The following TFDP1 variants were observed in gnomAD, a reference collection of about 807,000 sequenced individuals.
The protein encoded by TFDP1 is transcription factor Dp-1.
TFDP1 carries 6 observed loss-of-function variants against 48.0 expected under a neutral mutation model. That is an observed-to-expected ratio of 0.13 (90% CI 0.07 to 0.25). TFDP1 has a LOEUF of 0.25. Ranked by LOEUF, TFDP1 falls within the 10% of genes least tolerant of loss-of-function variation. TFDP1 has a pLI of 1.00. For missense variants in TFDP1, 335 were observed against 543.0 expected, an observed-to-expected ratio of 0.62 and a Z score of 3.81; for synonymous variants, 201 against 211.6, an observed-to-expected ratio of 0.95 and a Z score of 0.44.
At chr13:113,594,677 G>A (rs2048244120) in intron 2 of TFDP1, among the ~76,000 whole-genome samples, 1 of 152,232 alleles carries the variant, frequency 6.6e-6, no homozygotes, top group Non-Finnish European at 1.5e-5. Context: ...GTTCCCAGTG[G>A]ACATGGAATC....
chr13:113,603,575 T>C (rs2048493226), intron 2 of TFDP1, among the ~76,000 whole-genome samples: 1 of 152,238 alleles, frequency 6.6e-6, no homozygotes, highest in South Asian at 2.1e-4. Context: ...CAGCTTTTTC[T>C]AGCAGCATGG....
intron 3 of TFDP1, among the ~76,000 whole-genome samples, chr13:113,621,630 G>T (rs986707977): frequency 6.6e-6 from 1 of 152,226 alleles, no homozygotes; most frequent in Non-Finnish European, 1.5e-5. Flanking sequence ...ACCAGAAGAC[G>T]AGTGCGAGCC....
At chr13:113,636,938 G>A (rs1039667763) in intron 10 of TFDP1, among the ~76,000 whole-genome samples, 2 of 152,172 alleles carry the variant, frequency 1.3e-5, no homozygotes, top group Non-Finnish European at 2.9e-5. Context: ...GGTGGCTCGT[G>A]TGGATTTCCT....
At chr13:113,594,804 A>T (rs1194026100) in intron 2 of TFDP1, among the ~76,000 whole-genome samples, 1 of 152,262 alleles carries the variant, frequency 6.6e-6, no homozygotes, top group Non-Finnish European at 1.5e-5. Context: ...AATATGACTT[A>T]CTAAAAAAAG....
At position 113,627,390 on chromosome 13, in the gene TFDP1, AG is replaced by A. The variant is rs1416408753; in HGVS notation, c.186+4105del. 5.3e-5 allele frequency among the ~76,000 whole-genome samples: 8 copies of A among 152,130 alleles called. No homozygotes were observed. The highest frequency in any genetic ancestry group is 1.9e-4 in the African/African-American group (8 of 41,428). Reference sequence around the variant, plus strand: ...CCTGTGTGAGCCCCTGGGGAGAAGCAGCCCCCCACCCAGGCCTGTGTCCCAG... The same window carrying A: ...CCTGTGTGAGCCCCTGGGGAGAAGCACCCCCCACCCAGGCCTGTGTCCCAG... On this transcript the variant is annotated intron_variant, in intron 4 of 11. Coordinates refer to ENST00000375370, the MANE Select transcript of TFDP1 (RefSeq NM_007111.5). The surrounding 1 kb of genome is among the most constrained non-coding windows in gnomAD (Gnocchi z 4.1).
chr13:113,637,512 T>G, intron 10 of TFDP1: 2 of 1,139,180 alleles, frequency 1.8e-6, no homozygotes, highest in Non-Finnish European at 1.2e-6. Context: ...GACACTTTGA[T>G]TCGGTTCCGT....
chr13:113,636,759 C>T lies in TFDP1; in HGVS notation c.1006+59C>T, dbSNP rs927895969. ...GTGAGGAATGGCCCCCAGCCTCCGA[C>T]GGTGCCCTCCCCTCCCGGCTCGGGA... is the stretch of plus-strand genomic sequence containing the variant. On this transcript the variant is annotated intron_variant, in intron 10 of 11. Transcript: ENST00000375370. 151 of 1,566,036 alleles carry T rather than the reference C, an allele frequency of 9.6e-5. No individual in the cohort carries two copies. In the East Asian group the frequency reaches 1.7e-3, roughly 18 times the overall value.
At chr13:113,586,269 G>A in intron 2 of TFDP1, 1 of 158,730 alleles carries the variant, frequency 6.3e-6, no homozygotes, top group East Asian at 1.8e-4. Context: ...GTAGCCACCT[G>A]CTGGCACCTG....
In TFDP1 at chr13:113,627,130, CTG is replaced by C. The variant is rs1269233102; in HGVS notation, c.186+3845_186+3846del. On this transcript the variant is annotated intron_variant, in intron 4 of 11. Transcript: ENST00000375370. This position sits in a 1 kb window ranked among gnomAD's most constrained non-coding sequence, Gnocchi z 4.1. Reference sequence around the variant, plus strand: ...TTATATACCAGAGGTTTACAAAAAACTGGACTGGCTCATTCTGACACGAGGGG... The same window carrying C: ...TTATATACCAGAGGTTTACAAAAAACGACTGGCTCATTCTGACACGAGGGG... Among the ~76,000 whole-genome samples the C allele has an allele frequency of 6.6e-6, 1 of 152,182 alleles. No homozygotes were observed. The highest frequency in any genetic ancestry group is 2.4e-5 in the African/African-American group (1 of 41,440).
intron 11 of TFDP1, among the ~76,000 whole-genome samples, 170 bp downstream of exon 11, chr13:113,638,066 CT>C (rs770350967): frequency 6.6e-6 from 1 of 152,144 alleles, no homozygotes; most frequent in Non-Finnish European, 1.5e-5. Flanking sequence ...TGGAGAGCTG[CT>C]TTTCTTAGTT....
intron 9 of TFDP1, among the ~76,000 whole-genome samples, 153 bp downstream of exon 9, chr13:113,636,281 C>T (rs369856148): frequency 7.4e-4 from 113 of 152,344 alleles, no homozygotes; most frequent in African/African-American, 2.4e-3. Context: ...GGGAGGCTGC[C>T]GCCATGTGGC....
At position 113,626,018 on chromosome 13, in the gene TFDP1, TGTCCTCAGGTGTCTCTCACGC is replaced by T. The variant is rs1566667967; in HGVS notation, c.186+2752_186+2772del. Among the ~76,000 whole-genome samples, 342 of 107,134 alleles carry T rather than the reference TGTCCTCAGGTGTCTCTCACGC, an allele frequency of 3.2e-3. 15 individuals carry two copies. Among genetic ancestry groups the T allele is most frequent in the African/African-American group, 0.013 (317 of 25,158 alleles). The allele number at this position is 107,134 out of a possible 152,430, so 70.3% of individuals were successfully genotyped here. ...CACGTGTCCTCAGGTGTCTCTCACG[TGTCCTCAGGTGTCTCTCACGC>T]GTCCTCAGGTGTCTCTCACATGTCC... On this transcript the variant is annotated intron_variant, in intron 4 of 11. Transcript: ENST00000375370.
chr13:113,604,891 C>T (rs988494390), intron 2 of TFDP1, among the ~76,000 whole-genome samples: 5 of 152,102 alleles, frequency 3.3e-5, no homozygotes, highest in African/African-American at 1.2e-4. Flanking sequence ...GTGCAGGCCC[C>T]GTCCCAGGAG....
At position 113,623,107 on chromosome 13, in the gene TFDP1, A is replaced by C. The variant is rs1002248085; in HGVS notation, c.80-73A>C. ...TCTCTAATTGCAAGCACCGTCTTGC[A>C]TTTAGAATGGTCGCTTGTAGCCTTA... On this transcript the variant is annotated intron_variant, in intron 3 of 11. Coordinates refer to ENST00000375370, the MANE Select transcript of TFDP1 (RefSeq NM_007111.5). The surrounding 1 kb of genome is among the most constrained non-coding windows in gnomAD (Gnocchi z 5.2). 2.9e-6 allele frequency: 4 copies of C among 1,373,338 alleles called. No homozygotes were observed. The Admixed American group carries it at 7.9e-5, about 27-fold the overall frequency. 85.1% of individuals were successfully genotyped at this position (1,373,338 alleles called of 1,614,324 possible).
chr13:113,639,579 G>T (rs1333890315), intron 11 of TFDP1, among the ~76,000 whole-genome samples: 4 of 152,216 alleles, frequency 2.6e-5, no homozygotes, highest in Non-Finnish European at 5.9e-5. Context: ...ATTAAAATAT[G>T]TACATATGGT....
rs1246373077 is a variant in TFDP1, at chr13:113,623,628, G to C, written c.186+342G>C. 6.6e-6 allele frequency among the ~76,000 whole-genome samples: 1 copy of C among 152,328 alleles called. No individual in the cohort carries two copies. Among genetic ancestry groups the C allele is most frequent in the South Asian group, 2.1e-4 (1 of 4,834 alleles). On this transcript the variant is annotated intron_variant, in intron 4 of 11. Transcript: ENST00000375370. This position sits in a 1 kb window ranked among gnomAD's most constrained non-coding sequence, Gnocchi z 5.2. ...GCTCGAAGCTCTTCATCTAACAGGGGCTTCTTACGTGATGTGGCCGAGCGT... is the reference window on the plus strand; with the variant it reads ...GCTCGAAGCTCTTCATCTAACAGGGCCTTCTTACGTGATGTGGCCGAGCGT...
In TFDP1 at chr13:113,604,473, T is replaced by C. The variant is rs1477016154; in HGVS notation, c.13-6523T>C. ...GCAGGACACAGGGGAGGCTGTGGCC[T>C]TGGATCCTGTGTGGCTGAAATGGGG... On this transcript the variant is annotated intron_variant, in intron 2 of 11. Coordinates refer to ENST00000375370, the MANE Select transcript of TFDP1 (RefSeq NM_007111.5). 5.9e-5 allele frequency among the ~76,000 whole-genome samples: 9 copies of C among 152,210 alleles called. No homozygotes were observed. The East Asian group carries it at 1.7e-3, about 29-fold the overall frequency.
chr13:113,621,217 G>A (rs192790408), intron 3 of TFDP1, among the ~76,000 whole-genome samples: 13 of 152,364 alleles, frequency 8.5e-5, no homozygotes, highest in Admixed American at 5.9e-4. Context: ...ATGGGCGGCC[G>A]TCCGGGGAGG....
chr13:113,597,791 A>T (rs1219218779), intron 2 of TFDP1, among the ~76,000 whole-genome samples: 1 of 152,228 alleles, frequency 6.6e-6, no homozygotes, highest in East Asian at 1.9e-4. Flanking sequence ...CCGTGTGTCC[A>T]ATGTGAGGGC....
Sources: gnomAD v4.1 joint callset for allele counts (sites outside exome capture counted in the v4.1 genomes callset) on GRCh38, gnomAD v4.1.1 for gene constraint, Gnocchi (gnomAD v3.1) non-coding constraint, MANE v1.5 for transcripts, NCBI Gene and HGNC (gene_info 2026-07-23, HGNC 2026-07-21) for gene names.